The following HEMK2 variants were observed in gnomAD, a reference collection of about 807,000 sequenced individuals.
HEMK2 encodes HemK methyltransferase 2, ETF1 glutamine and histone H4 lysine.
At chr21:28,739,483 T>C in the HEMK2 span, among the ~76,000 whole-genome samples, 1 of 152,152 alleles carries the variant, frequency 6.6e-6, no homozygotes, top group Non-Finnish European at 1.5e-5. Context: ...AGTGAGAAAA[T>C]GTTAATAAGA....
At chr21:28,577,131 A>T in the HEMK2 span, 1 of 152,246 alleles carries the variant, frequency 6.6e-6, no homozygotes, top group African/African-American at 2.4e-5. Context: ...ACCCTGGCAC[A>T]GTGTTGACTG....
At chr21:28,822,572 CAT>C in the HEMK2 span, among the ~76,000 whole-genome samples, 6,103 of 146,936 alleles carry the variant, frequency 0.042, 382 homozygotes, top group African/African-American at 0.14. Flanking sequence ...GGCTACAATG[CAT>C]ATATATATAT....
At chr21:28,847,085 T>C in the HEMK2 span, among the ~76,000 whole-genome samples, 2 of 152,214 alleles carry the variant, frequency 1.3e-5, no homozygotes. Flanking sequence ...TGAATAATGC[T>C]GTGATGAATA....
chr21:28,583,713 T>C, the HEMK2 span, among the ~76,000 whole-genome samples: 1 of 152,176 alleles, frequency 6.6e-6, no homozygotes, highest in Non-Finnish European at 1.5e-5. Context: ...ACCACAGCCA[T>C]ATTTTGCCCA....
At chr21:28,767,819 G>A in the HEMK2 span, among the ~76,000 whole-genome samples, 1 of 151,878 alleles carries the variant, frequency 6.6e-6, no homozygotes, top group African/African-American at 2.4e-5. Context: ...CTTTACAATC[G>A]TGGGTTCTTT....
At chr21:28,854,769 A>C in the HEMK2 span, among the ~76,000 whole-genome samples, 5 of 152,192 alleles carry the variant, frequency 3.3e-5, no homozygotes, top group Non-Finnish European at 7.4e-5. Flanking sequence ...CTGGCAGGTG[A>C]TTAGATTGTG....
the HEMK2 span, among the ~76,000 whole-genome samples, chr21:28,740,959 A>G: frequency 6.6e-6 from 1 of 152,160 alleles, no homozygotes; most frequent in African/African-American, 2.4e-5. Flanking sequence ...ACTGTTCATA[A>G]CTGTATATAT....
At chr21:28,862,643 C>T in the HEMK2 span, among the ~76,000 whole-genome samples, 6 of 119,138 alleles carry the variant, frequency 5.0e-5, no homozygotes, top group Non-Finnish European at 1.0e-4. Context: ...GAGACTCCGT[C>T]TCAAAAAAAA....
chr21:28,877,705 TAAGCTGAAAATC>T, the HEMK2 span, among the ~76,000 whole-genome samples: 1 of 152,148 alleles, frequency 6.6e-6, no homozygotes, highest in Admixed American at 6.5e-5. Flanking sequence ...ACTTTTAGTA[TAAGCTGAAAATC>T]AAACTTGAAG....
At chr21:28,595,799 T>C in the HEMK2 span, among the ~76,000 whole-genome samples, 1 of 152,032 alleles carries the variant, frequency 6.6e-6, no homozygotes. Flanking sequence ...ATTTATTTAT[T>C]TTTGAGACAG....
chr21:28,626,879 C>T, the HEMK2 span, among the ~76,000 whole-genome samples: 1 of 151,888 alleles, frequency 6.6e-6, no homozygotes, highest in African/African-American at 2.4e-5. Flanking sequence ...AACAATTCTG[C>T]TCCTAAGTAT....
the HEMK2 span, among the ~76,000 whole-genome samples, chr21:28,686,234 T>C: frequency 2.0e-5 from 3 of 152,204 alleles, no homozygotes; most frequent in Middle Eastern, 3.4e-3. Flanking sequence ...TTGTTGTTGT[T>C]GTTGCTGTTT....
chr21:28,838,970 AAAATATATATATATAT>A, the HEMK2 span, among the ~76,000 whole-genome samples: 1 of 34,506 alleles, frequency 2.9e-5, no homozygotes, highest in South Asian at 1.2e-3. Context: ...AAAAAAAAAA[AAAATATATATATATAT>A]ATATATATAT....
At chr21:28,702,453 A>T in the HEMK2 span, among the ~76,000 whole-genome samples, 2 of 152,194 alleles carry the variant, frequency 1.3e-5, no homozygotes, top group African/African-American at 4.8e-5. Flanking sequence ...AAGGAGCTTA[A>T]ATCAATAAGC....
chr21:28,702,354 T>C, the HEMK2 span, among the ~76,000 whole-genome samples: 1 of 151,632 alleles, frequency 6.6e-6, no homozygotes, highest in Non-Finnish European at 1.5e-5. Flanking sequence ...ATTTAAGAGC[T>C]TCTTCACAGC....
At chr21:28,629,387 C>T in the HEMK2 span, among the ~76,000 whole-genome samples, 2 of 152,174 alleles carry the variant, frequency 1.3e-5, no homozygotes, top group Non-Finnish European at 2.9e-5. Context: ...GCAATCACCT[C>T]GACATCGAGC....
chr21:28,764,147 T>G, the HEMK2 span, among the ~76,000 whole-genome samples: 1 of 152,052 alleles, frequency 6.6e-6, no homozygotes, highest in Non-Finnish European at 1.5e-5. Flanking sequence ...CATAAACTAT[T>G]TACACTCAAA....
At chr21:28,742,158 A>G in the HEMK2 span, among the ~76,000 whole-genome samples, 1 of 152,220 alleles carries the variant, frequency 6.6e-6, no homozygotes, top group African/African-American at 2.4e-5. Context: ...GGCAGCTTTG[A>G]GTAGCTTGGA....
At chr21:28,868,230 T>A in the HEMK2 span, among the ~76,000 whole-genome samples, 1 of 152,182 alleles carries the variant, frequency 6.6e-6, no homozygotes, top group Admixed American at 6.5e-5. Context: ...TCTAGGAGTG[T>A]CTAGGCTGTT....
Sources: allele counts gnomAD v4.1 joint callset (sites outside exome capture counted in the v4.1 genomes callset), GRCh38; gene constraint gnomAD v4.1.1; transcripts MANE v1.5; gene names NCBI Gene and HGNC (gene_info 2026-07-23, HGNC 2026-07-21).